UBE2K: variants seen among roughly 807,000 people sequenced by gnomAD.
UBE2K encodes ubiquitin-conjugating enzyme E2 K.
UBE2K carries 6 observed loss-of-function variants against 30.0 expected under a neutral mutation model. The ratio of observed to expected loss-of-function variants is 0.20; its 90% CI spans 0.11 to 0.39. UBE2K has a LOEUF of 0.39. Among genes scored for constraint, UBE2K ranks in the 10% least tolerant of loss-of-function variants. The probability of loss-of-function intolerance (pLI) is 1.00; values close to 1 mark genes in which losing one functional copy is unlikely to be tolerated. For missense variants in UBE2K, 61 were observed against 241.6 expected, an observed-to-expected ratio of 0.25 and a Z score of 4.96; for synonymous variants, 86 against 83.7, an observed-to-expected ratio of 1.03 and a Z score of -0.15.
At chr4:39,730,092 A>G (rs1699777244) in intron 1 of UBE2K, among the ~76,000 whole-genome samples, 1 of 152,240 alleles carries the variant, frequency 6.6e-6, no homozygotes, top group African/African-American at 2.4e-5. Context: ...CCTTGCAAAT[A>G]GCAAGTACTT....
chr4:39,718,158 A>C (rs1402405569), intron 1 of UBE2K, among the ~76,000 whole-genome samples: 1 of 152,050 alleles, frequency 6.6e-6, no homozygotes, highest in Non-Finnish European at 1.5e-5. Flanking sequence ...CATTTTACAG[A>C]GAGCTGATTG....
At chr4:39,762,792 G>A (rs983964782) in intron 4 of UBE2K, among the ~76,000 whole-genome samples, 2 of 152,038 alleles carry the variant, frequency 1.3e-5, no homozygotes, top group East Asian at 3.9e-4. Flanking sequence ...GTGCTATCAC[G>A]CCTGGCTAGT....
intron 1 of UBE2K, among the ~76,000 whole-genome samples, chr4:39,708,799 A>G (rs543887018): frequency 1.3e-5 from 2 of 152,140 alleles, no homozygotes; most frequent in Non-Finnish European, 2.9e-5. Flanking sequence ...GGCTTTTTGC[A>G]TACCAGTTTA....
intron 2 of UBE2K, among the ~76,000 whole-genome samples, chr4:39,744,104 C>T (rs1007740389): frequency 6.6e-6 from 1 of 152,184 alleles, no homozygotes; most frequent in Non-Finnish European, 1.5e-5. Flanking sequence ...GTCAAGTGAT[C>T]TGCCCACCTC....
chr4:39,745,335 A>G (rs142875357), intron 2 of UBE2K, among the ~76,000 whole-genome samples: 37 of 152,140 alleles, frequency 2.4e-4, no homozygotes, highest in Admixed American at 7.2e-4. Context: ...TGTCCTTTGT[A>G]TCATCTGTAC....
chr4:39,712,048 AAT>A (rs997361897), intron 1 of UBE2K, among the ~76,000 whole-genome samples: 45 of 151,622 alleles, frequency 3.0e-4, no homozygotes, highest in African/African-American at 8.9e-4. Context: ...CTCAAAAAAA[AAT>A]AGTCACTATT....
intron 1 of UBE2K, among the ~76,000 whole-genome samples, chr4:39,698,961 G>A (rs546944858): frequency 1.3e-5 from 2 of 152,184 alleles, no homozygotes; most frequent in South Asian, 4.1e-4. Flanking sequence ...GTCAAAGGGA[G>A]ACATAATAGA....
chr4:39,705,119 G>T (rs1578413048), intron 1 of UBE2K, among the ~76,000 whole-genome samples: 1 of 150,366 alleles, frequency 6.7e-6, no homozygotes, highest in South Asian at 2.1e-4. Flanking sequence ...GGCTGGTCTC[G>T]AGCTCCTGAC....
intron 2 of UBE2K, among the ~76,000 whole-genome samples, chr4:39,744,935 T>C (rs1261758467): frequency 6.7e-6 from 1 of 149,512 alleles, no homozygotes; most frequent in Non-Finnish European, 1.5e-5. Flanking sequence ...TTAAATAAAA[T>C]AAATAAATAA....
chr4:39,764,363 A>G (rs1712167265), intron 4 of UBE2K, among the ~76,000 whole-genome samples: 1 of 151,804 alleles, frequency 6.6e-6, no homozygotes, highest in Admixed American at 6.6e-5. Flanking sequence ...TATGAATTGT[A>G]TCTAAATTTG....
intron 3 of UBE2K, among the ~76,000 whole-genome samples, chr4:39,746,580 C>G (rs1245593979): frequency 6.6e-6 from 1 of 152,154 alleles, no homozygotes; most frequent in Non-Finnish European, 1.5e-5. Context: ...AGTCTAAACT[C>G]CATGGCTTGG....
At chr4:39,730,275 C>T (rs919432504) in intron 1 of UBE2K, among the ~76,000 whole-genome samples, 5 of 152,138 alleles carry the variant, frequency 3.3e-5, no homozygotes, top group African/African-American at 1.2e-4. Context: ...CCCTTGACCT[C>T]TTGGGCTCAA....
intron 1 of UBE2K, among the ~76,000 whole-genome samples, chr4:39,708,488 G>A (rs1718499121): frequency 6.6e-6 from 1 of 151,948 alleles, no homozygotes. Context: ...AGTACCATGG[G>A]AATCTGCCTG....
At chr4:39,757,018 G>GTTTTTTTTTTT (rs1227834116) in intron 4 of UBE2K, among the ~76,000 whole-genome samples, 7 of 72,092 alleles carry the variant, frequency 9.7e-5, no homozygotes, top group Non-Finnish European at 1.6e-4. Flanking sequence ...TTTGTTTTTT[G>GTTTTTTTTTTT]TTTTTTGTTT....
At position 39,761,887 on chromosome 4, in the gene UBE2K, G is replaced by A. The variant is rs140667510; in HGVS notation, c.299+6148G>A. Among the ~76,000 whole-genome samples the A allele has an allele frequency of 5.2e-3, 795 of 151,478 alleles. 7 individuals carry two copies. The highest frequency in any genetic ancestry group is 0.017 in the African/African-American group (684 of 41,282). On this transcript the variant is annotated intron_variant, in intron 4 of 6. Transcript: ENST00000261427. The stretch of plus-strand genomic sequence containing the variant: ...TTTTTTTTTTTTAAAGTTTTAGGCC[G>A]GTTGCTGGCCGGATGTGGTGGCTGA...
intron 2 of UBE2K, among the ~76,000 whole-genome samples, chr4:39,738,718 C>A (rs914577925): frequency 2.6e-5 from 4 of 152,162 alleles, no homozygotes; most frequent in Non-Finnish European, 5.9e-5. Flanking sequence ...CTCTCTGTCA[C>A]CCAGCCTGGA....
Position 39,774,996 on chromosome 4 carries a change from G to C in UBE2K, c.399+63G>C, listed in dbSNP as rs463918. 1.3e-3 allele frequency: 1,447 copies of C among 1,110,816 alleles called. 13 individuals carry two copies. The African/African-American group carries it at 0.02, about 15-fold the overall frequency. The allele number at this position is 1,110,816 out of a possible 1,614,324, so 68.8% of individuals were successfully genotyped here. A position where few individuals can be genotyped will look rare whatever the true frequency, so the allele number is the denominator to read the frequency against. On this transcript the variant is annotated intron_variant, in intron 5 of 6. Transcript: ENST00000261427. ...GTATGAGTCTCTAGCCACTTCAGTG[G>C]TTTGCACATTAACACATGAGCATAC...
intron 1 of UBE2K, among the ~76,000 whole-genome samples, chr4:39,725,504 TC>T (rs1018558898): frequency 1.3e-5 from 2 of 152,044 alleles, no homozygotes; most frequent in African/African-American, 4.8e-5. Context: ...AGTTCACACT[TC>T]CTCCTTAGTT....
chr4:39,771,254 A>G (rs1406518251), intron 4 of UBE2K: 1 of 1,611,950 alleles, frequency 6.2e-7, no homozygotes, highest in African/African-American at 1.3e-5. Context: ...TTAAGCAGGA[A>G]CTGGTCCCGC....
Sources: gnomAD v4.1 joint callset for allele counts (sites outside exome capture counted in the v4.1 genomes callset) on GRCh38, gnomAD v4.1.1 for gene constraint, MANE v1.5 for transcripts, NCBI Gene and HGNC (gene_info 2026-07-23, HGNC 2026-07-21) for gene names.